Variants in SAMTOR observed in about 807,000 individuals in gnomAD.
The protein encoded by SAMTOR is UPF0532 protein C7orf60.
the SAMTOR span, among the ~76,000 whole-genome samples, chr7:112,847,749 G>C: frequency 6.6e-6 from 1 of 151,072 alleles, no homozygotes; most frequent in Non-Finnish European, 1.5e-5. Context: ...CTGCACTCCA[G>C]CTTGGGGAAC....
chr7:112,895,668 A>G, the SAMTOR span: 36 of 1,591,028 alleles, frequency 2.3e-5, no homozygotes, highest in South Asian at 3.6e-4. Context: ...CTTAGTGGCA[A>G]GTACAGCTCT....
the SAMTOR span, among the ~76,000 whole-genome samples, chr7:112,854,078 T>C: frequency 3.9e-5 from 6 of 152,252 alleles, no homozygotes; most frequent in East Asian, 7.7e-4. Context: ...AATTTATTAC[T>C]AGATACCTGA....
the SAMTOR span, among the ~76,000 whole-genome samples, chr7:112,916,705 C>T: frequency 0.011 from 1,631 of 152,188 alleles, 30 homozygotes; most frequent in African/African-American, 0.037. Context: ...AAAGGGGTGA[C>T]GGATGGCACC....
chr7:112,848,066 T>C, the SAMTOR span, among the ~76,000 whole-genome samples: 1 of 152,182 alleles, frequency 6.6e-6, no homozygotes, highest in Non-Finnish European at 1.5e-5. Flanking sequence ...GGTGGGAGGA[T>C]CGCTTGAGCT....
At chr7:112,879,015 C>A in the SAMTOR span, among the ~76,000 whole-genome samples, 1 of 151,316 alleles carries the variant, frequency 6.6e-6, no homozygotes, top group African/African-American at 2.4e-5. Flanking sequence ...CGGAAGGGGT[C>A]AAAAATAAAT....
chr7:112,903,430 G>A, the SAMTOR span, among the ~76,000 whole-genome samples: 1 of 151,802 alleles, frequency 6.6e-6, no homozygotes, highest in Non-Finnish European at 1.5e-5. Context: ...TATCCCTGAT[G>A]GGATCCTGGA....
the SAMTOR span, among the ~76,000 whole-genome samples, chr7:112,882,759 CT>C: frequency 9.2e-4 from 112 of 121,082 alleles, 1 homozygote; most frequent in South Asian, 2.6e-3. Flanking sequence ...ACTGTAACAT[CT>C]TTTTTTAAAA....
the SAMTOR span, among the ~76,000 whole-genome samples, chr7:112,830,351 CTGTTTTAAAATT>C: frequency 6.6e-6 from 1 of 151,916 alleles, no homozygotes; most frequent in African/African-American, 2.4e-5. Flanking sequence ...TCCCTTTACT[CTGTTTTAAAATT>C]AGTTATAGGA....
At chr7:112,936,482 C>T in the SAMTOR span, among the ~76,000 whole-genome samples, 1 of 152,168 alleles carries the variant, frequency 6.6e-6, no homozygotes, top group Non-Finnish European at 1.5e-5. Context: ...CTCTTTACAA[C>T]CCTGTTCACC....
the SAMTOR span, among the ~76,000 whole-genome samples, chr7:112,881,308 C>T: frequency 6.6e-6 from 1 of 152,138 alleles, no homozygotes; most frequent in African/African-American, 2.4e-5. Flanking sequence ...AGCCTGGGTG[C>T]CATGGATGAC....
At chr7:112,825,404 A>G in the SAMTOR span, among the ~76,000 whole-genome samples, 1 of 152,276 alleles carries the variant, frequency 6.6e-6, no homozygotes, top group East Asian at 1.9e-4. Context: ...TATGAGCTAC[A>G]TATTTCATAT....
the SAMTOR span, among the ~76,000 whole-genome samples, chr7:112,912,062 T>C: frequency 7.2e-6 from 1 of 139,000 alleles, no homozygotes; most frequent in South Asian, 2.2e-4. Flanking sequence ...TTAAAATATA[T>C]TTTGAAGACA....
chr7:112,856,601 T>A, the SAMTOR span, among the ~76,000 whole-genome samples: 1 of 152,226 alleles, frequency 6.6e-6, no homozygotes, highest in African/African-American at 2.4e-5. Context: ...TTTTTTGCTA[T>A]AGTTTTGAAG....
the SAMTOR span, among the ~76,000 whole-genome samples, chr7:112,890,512 T>C: frequency 1.3e-5 from 2 of 152,012 alleles, no homozygotes; most frequent in Non-Finnish European, 2.9e-5. Context: ...CCAAAAATTA[T>C]GAGACATGCA....
At chr7:112,887,728 G>A in the SAMTOR span, among the ~76,000 whole-genome samples, 2 of 152,072 alleles carry the variant, frequency 1.3e-5, no homozygotes, top group African/African-American at 2.4e-5. Context: ...ATATGTAGTC[G>A]TAGAATTGTT....
the SAMTOR span, among the ~76,000 whole-genome samples, chr7:112,850,125 C>G: frequency 6.6e-6 from 1 of 152,014 alleles, no homozygotes; most frequent in African/African-American, 2.4e-5. Context: ...CGCTTGGACC[C>G]GGGAGGCGGA....
the SAMTOR span, among the ~76,000 whole-genome samples, chr7:112,928,546 T>C: frequency 1.3e-5 from 2 of 151,960 alleles, no homozygotes; most frequent in African/African-American, 4.8e-5. Context: ...GAGAAGTTAA[T>C]TAGGGTGCTC....
chr7:112,858,578 C>CAAAA, the SAMTOR span, among the ~76,000 whole-genome samples: 1 of 151,806 alleles, frequency 6.6e-6, no homozygotes, highest in Non-Finnish European at 1.5e-5. Context: ...ATCCTTTTTC[C>CAAAA]AGTTAGCAAA....
chr7:112,887,758 CT>C, the SAMTOR span, among the ~76,000 whole-genome samples: 4 of 152,046 alleles, frequency 2.6e-5, no homozygotes, highest in African/African-American at 9.7e-5. Flanking sequence ...CCTTTTTATT[CT>C]TTTACTATTG....
Sources: allele counts gnomAD v4.1 joint callset (sites outside exome capture counted in the v4.1 genomes callset), GRCh38; gene constraint gnomAD v4.1.1; transcripts MANE v1.5; gene names NCBI Gene and HGNC (gene_info 2026-07-23, HGNC 2026-07-21).